ENOX1: variants seen among roughly 807,000 people sequenced by gnomAD.
The protein encoded by ENOX1 is candidate growth-related and time keeping constitutive hydroquinone (NADH) oxidase.
In ENOX1, 42 loss-of-function variants were observed where a neutral mutation model predicts 82.5. That is an observed-to-expected ratio of 0.51 (90% CI 0.40 to 0.66). The LOEUF is 0.66. Ranked by LOEUF, ENOX1 falls within the 30% of genes least tolerant of loss-of-function variation. ENOX1 has a pLI of 0.00. For missense variants in ENOX1, 608 were observed against 811.6 expected, an observed-to-expected ratio of 0.75 and a Z score of 3.05; for synonymous variants, 271 against 282.2, an observed-to-expected ratio of 0.96 and a Z score of 0.40.
chr13:43,276,488 C>T (rs544335626), intron 12 of ENOX1, among the ~76,000 whole-genome samples: 17 of 152,304 alleles, frequency 1.1e-4, no homozygotes, highest in African/African-American at 3.8e-4. Context: ...CGCCCCACAG[C>T]TTACTGTGTC....
intron 2 of ENOX1, among the ~76,000 whole-genome samples, chr13:43,520,827 A>G (rs1316449525): frequency 6.6e-6 from 1 of 152,228 alleles, no homozygotes; most frequent in Non-Finnish European, 1.5e-5. Flanking sequence ...GGCCGGGATC[A>G]GGCCCAGTGG....
At chr13:43,222,453 A>G (rs546826714) in intron 16 of ENOX1, among the ~76,000 whole-genome samples, 1 of 152,174 alleles carries the variant, frequency 6.6e-6, no homozygotes, top group South Asian at 2.1e-4. Context: ...TCAGCCTGCG[A>G]TGATGGAGTG....
Position 43,322,410 on chromosome 13 carries a change from G to A in ENOX1, c.1235C>T (p.Thr412Ile). ...TGATTCATCGACTCTCATTTTCTTTGTAGGGCTGTCACAGTTCTCATCATC... is the reference window on the plus strand; with the variant it reads ...TGATTCATCGACTCTCATTTTCTTTATAGGGCTGTCACAGTTCTCATCATC... ...MSDDENCDSP[T>I]KKMRVDESAL... Residue 412 changes from threonine (T) to isoleucine (I), a missense_variant, in exon 11 of 17, where the codon ACA becomes ATA. Physicochemically the swap from Thr to Ile is moderately conservative, Grantham distance 89 (BLOSUM62 -1). Coordinates refer to ENST00000690772, the MANE Select transcript of ENOX1 (RefSeq NM_001347969.2). 1 of 1,613,958 alleles carries A rather than the reference G, an allele frequency of 6.2e-7. No individual in the cohort carries two copies. The highest frequency in any genetic ancestry group is 8.5e-7 in the Non-Finnish European group (1 of 1,179,888).
At chr13:43,348,128 G>A (rs1196573515) in intron 8 of ENOX1, among the ~76,000 whole-genome samples, 1 of 152,090 alleles carries the variant, frequency 6.6e-6, no homozygotes, top group Non-Finnish European at 1.5e-5. Flanking sequence ...CCCACTCCTG[G>A]TCCCCCTGGT....
intron 11 of ENOX1, among the ~76,000 whole-genome samples, chr13:43,319,311 G>C (rs1402152350): frequency 4.6e-5 from 7 of 152,084 alleles, no homozygotes; most frequent in Admixed American, 4.6e-4. Context: ...AACTGATCAA[G>C]AAGAGTGAAC....
chr13:43,253,480 G>C (rs1566344965), intron 14 of ENOX1, among the ~76,000 whole-genome samples: 1 of 152,226 alleles, frequency 6.6e-6, no homozygotes, highest in Non-Finnish European at 1.5e-5. Context: ...GAGCTGGAGA[G>C]TACCAGGCAA....
intron 3 of ENOX1, among the ~76,000 whole-genome samples, chr13:43,460,610 C>T (rs574026672): frequency 3.9e-5 from 6 of 151,902 alleles, no homozygotes; most frequent in African/African-American, 9.7e-5. Flanking sequence ...CCGGCTAACA[C>T]GGTAAAACCC....
intron 1 of ENOX1, among the ~76,000 whole-genome samples, chr13:43,723,437 C>G (rs1038987516): frequency 6.6e-6 from 1 of 152,082 alleles, no homozygotes; most frequent in African/African-American, 2.4e-5. Flanking sequence ...TGTATTCTAC[C>G]TGTTAGGATT....
intron 3 of ENOX1, among the ~76,000 whole-genome samples, chr13:43,475,511 A>G (rs2153651341): frequency 6.6e-6 from 1 of 152,326 alleles, no homozygotes; most frequent in South Asian, 2.1e-4. Context: ...CAACTTTCAG[A>G]AAAGACCAGA....
intron 9 of ENOX1, among the ~76,000 whole-genome samples, chr13:43,342,992 T>C (rs1566558869): frequency 6.6e-6 from 1 of 152,212 alleles, no homozygotes; most frequent in Non-Finnish European, 1.5e-5. Flanking sequence ...TTATCTTTAT[T>C]GTTAGAGCCA....
chr13:43,628,446 A>G (rs2083063126), intron 2 of ENOX1, among the ~76,000 whole-genome samples: 1 of 151,992 alleles, frequency 6.6e-6, no homozygotes, highest in Non-Finnish European at 1.5e-5. Flanking sequence ...TAAAATGTTC[A>G]TTTAGTTCCT....
At chr13:43,240,358 A>G (rs1330227440) in intron 14 of ENOX1, among the ~76,000 whole-genome samples, 2 of 152,340 alleles carry the variant, frequency 1.3e-5, no homozygotes, top group Non-Finnish European at 2.9e-5. Context: ...GAGAAGATGA[A>G]GCTGGAGAAG....
At chr13:43,466,563 ATT>A (rs2057732238) in intron 3 of ENOX1, among the ~76,000 whole-genome samples, 1 of 152,242 alleles carries the variant, frequency 6.6e-6, no homozygotes, top group Non-Finnish European at 1.5e-5. Context: ...AAAAAATCCC[ATT>A]AAACCTACCA....
At chr13:43,552,963 G>C (rs1390115206) in intron 2 of ENOX1, among the ~76,000 whole-genome samples, 1 of 152,088 alleles carries the variant, frequency 6.6e-6, no homozygotes, top group East Asian at 1.9e-4. Context: ...AATAGAAGTA[G>C]TCATGATAAA....
chr13:43,377,372 C>T (rs1402261371), intron 5 of ENOX1, among the ~76,000 whole-genome samples: 2 of 152,172 alleles, frequency 1.3e-5, no homozygotes, highest in East Asian at 3.9e-4. Flanking sequence ...CTTGGACTTC[C>T]CAATCTCTAG....
At chr13:43,338,531 A>G (rs1411151585) in intron 9 of ENOX1, among the ~76,000 whole-genome samples, 1 of 152,040 alleles carries the variant, frequency 6.6e-6, no homozygotes, top group Non-Finnish European at 1.5e-5. Context: ...GCTGGCCCAG[A>G]AGGGAGGAGA....
rs1158294600 is a variant in ENOX1, at chr13:43,311,040, A to C, written c.1261+11344T>G. Among the ~76,000 whole-genome samples, 4 of 152,034 alleles carry C rather than the reference A, an allele frequency of 2.6e-5. No homozygotes were observed. The East Asian group carries it at 7.8e-4, about 30-fold the overall frequency. ...GTCTGATATATAATGATGGAAGCAG[A>C]ATTCCACAGAGGGGAGGGGGCACCA... On this transcript the variant is annotated intron_variant, in intron 11 of 16. Coordinates refer to ENST00000690772, the MANE Select transcript of ENOX1 (RefSeq NM_001347969.2).
intron 1 of ENOX1, among the ~76,000 whole-genome samples, chr13:43,730,975 CTCTT>C (rs2089306132): frequency 6.6e-6 from 1 of 152,326 alleles, no homozygotes; most frequent in East Asian, 1.9e-4. Flanking sequence ...TGCTCCCCAA[CTCTT>C]TCTTCATGAT....
intron 1 of ENOX1, among the ~76,000 whole-genome samples, chr13:43,771,804 G>C (rs1030305640): frequency 6.6e-6 from 1 of 151,026 alleles, no homozygotes; most frequent in African/African-American, 2.4e-5. Flanking sequence ...TCGCTCTGTC[G>C]CCCAGGTTGG....
Sources: allele counts gnomAD v4.1 joint callset (sites outside exome capture counted in the v4.1 genomes callset), GRCh38; gene constraint gnomAD v4.1.1; transcripts MANE v1.5; gene names NCBI Gene and HGNC (gene_info 2026-07-23, HGNC 2026-07-21).